The following MAST2 variants were observed in gnomAD, a reference collection of about 807,000 sequenced individuals.
The protein encoded by MAST2 is microtubule associated serine/threonine kinase 2.
MAST2 carries 70 observed loss-of-function variants against 147.4 expected under a neutral mutation model. The ratio of observed to expected loss-of-function variants is 0.47; its 90% CI spans 0.39 to 0.58. The LOEUF (loss-of-function observed/expected upper bound fraction) is 0.58, where lower values mean the gene tolerates loss of function less well. Ranked by LOEUF, MAST2 falls within the 20% of genes least tolerant of loss-of-function variation. The pLI is 0.00. For missense variants in MAST2, 2,080 were observed against 2,302.3 expected, an observed-to-expected ratio of 0.90 and a Z score of 1.98; for synonymous variants, 869 against 896.8, an observed-to-expected ratio of 0.97 and a Z score of 0.55.
chr1:45,844,060 T>C (rs1432019275), intron 3 of MAST2, among the ~76,000 whole-genome samples: 2 of 152,192 alleles, frequency 1.3e-5, no homozygotes, highest in Admixed American at 6.5e-5. Context: ...TTTTTTCTTA[T>C]CTTGAATTTG....
At chr1:45,927,047 A>G (rs900972723) in intron 4 of MAST2, among the ~76,000 whole-genome samples, 12 of 152,190 alleles carry the variant, frequency 7.9e-5, no homozygotes, top group African/African-American at 2.2e-4. Context: ...GGGAGACATC[A>G]CACGTTGGTA....
In MAST2 at chr1:46,031,700, CTG is replaced by C. The variant is rs1191942510; in HGVS notation, c.3187+118_3187+119del. 2 of 1,047,662 alleles carry C rather than the reference CTG, an allele frequency of 1.9e-6. No homozygotes were observed. The highest frequency in any genetic ancestry group is 2.7e-6 in the Non-Finnish European group (2 of 731,882). 64.9% of individuals were successfully genotyped at this position (1,047,662 alleles called of 1,614,324 possible). On this transcript the variant is annotated intron_variant, in intron 24 of 28. Coordinates refer to ENST00000361297, the MANE Select transcript of MAST2 (RefSeq NM_015112.3). This position sits in a 1 kb window ranked among gnomAD's most constrained non-coding sequence, Gnocchi z 4.1. ...GTGTGTGTGTTAAGCACAGATCTGA[CTG>C]TGGTCTCTGAAGGTGTGTATTGGTG...
At position 46,019,615 on chromosome 1, in the gene MAST2, G is replaced by C; in HGVS notation, c.1208G>C (p.Ser403Thr). ...CTATAGGCTCATGAGCGCTCAGAGA[G>C]CTCAGAAGTGGCTTTTGTGATGCAG... Reference protein sequence around the residue: ...LLQDAHERSESSEVAFVMQLV... With the variant: ...LLQDAHERSETSEVAFVMQLV... The change falls in exon 11 of 29, where the codon AGC (serine) becomes ACC (threonine). Residue 403 changes from serine (S) to threonine (T), a missense_variant. Ser to Thr is a moderately conservative substitution (Grantham distance 58, BLOSUM62 1). This residue lies in a region of MAST2 where 569 missense variants were observed against 642.5 expected (regional missense o/e 0.89). Transcript: ENST00000361297. 1.9e-6 allele frequency: 3 copies of C among 1,614,102 alleles called. No homozygotes were observed. The highest frequency in any genetic ancestry group is 2.5e-6 in the Non-Finnish European group (3 of 1,180,014).
chr1:45,832,807 A>AT (rs1471841137), intron 3 of MAST2, among the ~76,000 whole-genome samples: 3 of 152,118 alleles, frequency 2.0e-5, no homozygotes, highest in African/African-American at 7.2e-5. Flanking sequence ...TTCACATATG[A>AT]TATAATTCAC....
intron 3 of MAST2, among the ~76,000 whole-genome samples, chr1:45,854,562 C>G (rs1020380764): frequency 1.3e-5 from 2 of 151,896 alleles, no homozygotes; most frequent in Non-Finnish European, 2.9e-5. Context: ...TTAGAATAAG[C>G]TTTTTTATAT....
At chr1:46,011,707 T>C (rs1187351887) in intron 10 of MAST2, among the ~76,000 whole-genome samples, 1 of 152,078 alleles carries the variant, frequency 6.6e-6, no homozygotes, top group Admixed American at 6.5e-5. Flanking sequence ...CCTTATTACC[T>C]CCAGACCAAG....
intron 1 of MAST2, among the ~76,000 whole-genome samples, chr1:45,817,016 G>T (rs941172190): frequency 7.2e-5 from 11 of 152,064 alleles, no homozygotes; most frequent in Admixed American, 2.0e-4. Flanking sequence ...CAGGCTATTT[G>T]AAAATACACA....
At chr1:45,862,614 T>C (rs2148078772) in intron 3 of MAST2, among the ~76,000 whole-genome samples, 1 of 152,082 alleles carries the variant, frequency 6.6e-6, no homozygotes, top group South Asian at 2.1e-4. Flanking sequence ...GGATTACAGC[T>C]GCCTGCCATC....
intron 5 of MAST2, among the ~76,000 whole-genome samples, chr1:45,984,121 A>G (rs185543306): frequency 1.3e-5 from 2 of 152,184 alleles, no homozygotes; most frequent in Non-Finnish European, 2.9e-5. Flanking sequence ...TAAAAATATA[A>G]AACTATAATA....
chr1:45,829,163 T>A (rs1644879511), intron 2 of MAST2, among the ~76,000 whole-genome samples: 1 of 152,066 alleles, frequency 6.6e-6, no homozygotes, highest in Non-Finnish European at 1.5e-5. Context: ...GACTGCTAGT[T>A]TGGGTGTTAG....
intron 10 of MAST2, among the ~76,000 whole-genome samples, chr1:46,012,749 C>A (rs1478813040): frequency 6.6e-6 from 1 of 152,026 alleles, no homozygotes; most frequent in African/African-American, 2.4e-5. Flanking sequence ...AATCCCAGCA[C>A]TTTGGGAGGC....
At chr1:45,806,668 C>T (rs948781928) in intron 1 of MAST2, among the ~76,000 whole-genome samples, 1 of 152,194 alleles carries the variant, frequency 6.6e-6, no homozygotes, top group African/African-American at 2.4e-5. Flanking sequence ...ACCTCTGCCT[C>T]CCGGATTCAA....
At chr1:45,873,414 T>C (rs1394219974) in intron 3 of MAST2, among the ~76,000 whole-genome samples, 1 of 151,974 alleles carries the variant, frequency 6.6e-6, no homozygotes, top group African/African-American at 2.4e-5. Flanking sequence ...CTCAGGCTGG[T>C]CTTGAACTCC....
intron 5 of MAST2, among the ~76,000 whole-genome samples, chr1:45,996,157 C>T (rs1645049188): frequency 6.6e-6 from 1 of 151,466 alleles, no homozygotes; most frequent in South Asian, 2.1e-4. Context: ...CTGTACTATG[C>T]GCACCTGGAA....
intron 4 of MAST2, among the ~76,000 whole-genome samples, chr1:45,905,171 A>T (rs1005378948): frequency 2.0e-5 from 3 of 149,556 alleles, no homozygotes; most frequent in Non-Finnish European, 4.4e-5. Context: ...AAATATGTTT[A>T]ATCTTTTTTT....
At chr1:45,867,475 C>G (rs1000506580) in intron 3 of MAST2, among the ~76,000 whole-genome samples, 1 of 151,868 alleles carries the variant, frequency 6.6e-6, no homozygotes, top group Non-Finnish European at 1.5e-5. Context: ...CAGCAAAGAC[C>G]TTGTCTATTT....
At chr1:45,917,576 T>C (rs1652764980) in intron 4 of MAST2, 1 of 1,341,414 alleles carries the variant, frequency 7.5e-7, no homozygotes, top group Non-Finnish European at 1.0e-6. Context: ...CAATTGCTTC[T>C]GGCCAAATGG....
rs532305698 is a variant in MAST2 at position 45,925,615 on chromosome 1, A to G, written c.501-33771A>G. Reference sequence around the variant, plus strand: ...AAGTTTGATGTTAACAGCTTAATGGAACACAGAATGACTTAGGTTTTGAAT... The same window carrying G: ...AAGTTTGATGTTAACAGCTTAATGGGACACAGAATGACTTAGGTTTTGAAT... On this transcript the variant is annotated intron_variant, in intron 4 of 28. Coordinates refer to ENST00000361297, the MANE Select transcript of MAST2 (RefSeq NM_015112.3). 3.9e-4 allele frequency among the ~76,000 whole-genome samples: 60 copies of G among 152,310 alleles called. 1 individual carries two copies. The South Asian group carries it at 7.3e-3, about 18-fold the overall frequency.
rs576831090 is a variant in MAST2 at position 45,977,616 on chromosome 1, G to A, written c.592+18139G>A. The stretch of plus-strand genomic sequence containing the variant: ...AGATCGAGACCATCCTGGCTAAGAC[G>A]GTGAAACCCCGTCTCTACTAAAAGT... On this transcript the variant is annotated intron_variant, in intron 5 of 28. Coordinates refer to ENST00000361297, the MANE Select transcript of MAST2 (RefSeq NM_015112.3). Among the ~76,000 whole-genome samples the A allele has an allele frequency of 4.0e-5, 6 of 151,880 alleles. No individual in the cohort carries two copies. The East Asian group carries it at 7.8e-4, about 20-fold the overall frequency.
Sources: gnomAD v4.1 joint callset for allele counts (sites outside exome capture counted in the v4.1 genomes callset) on GRCh38, gnomAD v4.1.1 for gene constraint, gnomAD v4.1.1 regional missense constraint, Gnocchi (gnomAD v3.1) non-coding constraint, MANE v1.5 for transcripts, NCBI Gene and HGNC (gene_info 2026-07-23, HGNC 2026-07-21) for gene names.